Variants in NPAS3 observed in about 807,000 individuals in gnomAD.
The protein encoded by NPAS3 is neuronal PAS domain protein 3.
NPAS3 carries 14 observed loss-of-function variants against 73.1 expected under a neutral mutation model. The ratio of observed to expected loss-of-function variants is 0.19; its 90% CI spans 0.13 to 0.30. NPAS3 has a LOEUF of 0.30. Ranked by LOEUF, NPAS3 falls within the 10% of genes least tolerant of loss-of-function variation. The pLI is 1.00. For synonymous variants in NPAS3, 620 were observed against 541.5 expected, an observed-to-expected ratio of 1.14 and a Z score of -2.01; for missense variants, 1,096 against 1,250.0, an observed-to-expected ratio of 0.88 and a Z score of 1.86.
At chr14:33,632,366 T>C (rs1039988496) in intron 5 of NPAS3, among the ~76,000 whole-genome samples, 6 of 152,330 alleles carry the variant, frequency 3.9e-5, no homozygotes, top group Admixed American at 3.9e-4. Flanking sequence ...TTGATGCAGG[T>C]GGTCTTCAGA....
intron 2 of NPAS3, among the ~76,000 whole-genome samples, chr14:33,143,606 C>A (rs1015953968): frequency 8.5e-5 from 13 of 152,124 alleles, no homozygotes; most frequent in Non-Finnish European, 1.5e-4. Flanking sequence ...TTACAGTGAA[C>A]AATTTAGTGG....
intron 3 of NPAS3, among the ~76,000 whole-genome samples, chr14:33,355,277 CT>C (rs769140230): frequency 7.2e-5 from 11 of 152,152 alleles, no homozygotes; most frequent in Non-Finnish European, 1.5e-4. Flanking sequence ...TTAGATGCTC[CT>C]TTTCCTGCAG....
At position 33,778,643 on chromosome 14, in the gene NPAS3, T is replaced by C. The variant is rs540156655; in HGVS notation, c.1153+71T>C. The C allele has an allele frequency of 3.0e-6, 3 of 1,008,946 alleles. No individual in the cohort carries two copies. In the East Asian group the frequency reaches 7.2e-5, roughly 24 times the overall value. The allele number at this position is 1,008,946 out of a possible 1,614,324, so 62.5% of individuals were successfully genotyped here. ...ATCTCTGAGGCTTGTTTGGTTTCAG[T>C]GCTGATTTTTCCCTTCATCTTTCCT... On this transcript the variant is annotated intron_variant, in intron 9 of 11. Coordinates refer to ENST00000356141, the Ensembl canonical transcript of NPAS3.
intron 2 of NPAS3, among the ~76,000 whole-genome samples, chr14:33,059,727 T>A (rs1353200290): frequency 6.6e-6 from 1 of 152,182 alleles, no homozygotes; most frequent in Non-Finnish European, 1.5e-5. Flanking sequence ...TATAAAAATA[T>A]TTTCAAATAC....
chr14:33,604,923 G>T (rs1189637259), intron 5 of NPAS3, among the ~76,000 whole-genome samples: 2 of 151,970 alleles, frequency 1.3e-5, no homozygotes, highest in African/African-American at 4.8e-5. Flanking sequence ...AATGTAAAAC[G>T]TATCAGAATT....
intron 2 of NPAS3, among the ~76,000 whole-genome samples, chr14:33,187,768 AAATT>A (rs763621669): frequency 3.0e-4 from 45 of 152,266 alleles, no homozygotes; most frequent in Non-Finnish European, 4.3e-4. Flanking sequence ...AGAGATTATT[AAATT>A]AATATCTATT....
At chr14:33,013,120 G>A (rs563189755) in intron 1 of NPAS3, among the ~76,000 whole-genome samples, 7 of 152,240 alleles carry the variant, frequency 4.6e-5, no homozygotes, top group African/African-American at 1.7e-4. Context: ...GTCAGAAAAA[G>A]TATTGTATTC....
At chr14:33,346,559 G>A (rs1273893195) in intron 3 of NPAS3, among the ~76,000 whole-genome samples, 1 of 145,114 alleles carries the variant, frequency 6.9e-6, no homozygotes, top group African/African-American at 2.5e-5. Flanking sequence ...AGGAAATGTT[G>A]ATTTCAAATT....
chr14:33,547,030 T>G lies in NPAS3; in HGVS notation c.469-13091T>G, dbSNP rs568845308. Among the ~76,000 whole-genome samples, 14 of 152,330 alleles carry G rather than the reference T, an allele frequency of 9.2e-5. No individual in the cohort carries two copies. The South Asian group carries it at 2.9e-3, about 32-fold the overall frequency. Reference sequence around the variant, plus strand: ...CTAGTGGAGAGGAGCAGCAAATGTCTTAAGCAAGTATAGTTAACCTGTAAT... The same window carrying G: ...CTAGTGGAGAGGAGCAGCAAATGTCGTAAGCAAGTATAGTTAACCTGTAAT... On this transcript the variant is annotated intron_variant, in intron 4 of 11. Transcript: ENST00000356141.
At chr14:33,528,503 T>C (rs976765591) in intron 4 of NPAS3, among the ~76,000 whole-genome samples, 1 of 151,046 alleles carries the variant, frequency 6.6e-6, no homozygotes, top group Non-Finnish European at 1.5e-5. Context: ...GAGGAGGGAG[T>C]GGTCGTCCTA....
chr14:33,414,222 C>T (rs936001306), intron 4 of NPAS3, among the ~76,000 whole-genome samples: 2 of 152,114 alleles, frequency 1.3e-5, no homozygotes, highest in African/African-American at 4.8e-5. Context: ...TTCACTTCAA[C>T]CCAGTAGCAA....
intron 7 of NPAS3, among the ~76,000 whole-genome samples, chr14:33,753,033 T>C (rs1388892919): frequency 6.6e-6 from 1 of 152,192 alleles, no homozygotes; most frequent in East Asian, 1.9e-4. Flanking sequence ...AAATTCTGCC[T>C]GCCTCTCAAA....
chr14:32,963,862 TAG>T (rs1357165376), intron 1 of NPAS3, among the ~76,000 whole-genome samples: 1 of 152,058 alleles, frequency 6.6e-6, no homozygotes, highest in Non-Finnish European at 1.5e-5. Flanking sequence ...TCCTCAGTAT[TAG>T]GACTTTTATT....
At chr14:33,457,024 G>A (rs1290319267) in intron 4 of NPAS3, among the ~76,000 whole-genome samples, 2 of 152,152 alleles carry the variant, frequency 1.3e-5, no homozygotes, top group Non-Finnish European at 2.9e-5. Context: ...ACCATCAGGA[G>A]GCAATACGGT....
At chr14:33,723,380 T>C (rs1265443992) in intron 6 of NPAS3, among the ~76,000 whole-genome samples, 2 of 152,188 alleles carry the variant, frequency 1.3e-5, no homozygotes, top group Non-Finnish European at 2.9e-5. Context: ...TTGGAATTTA[T>C]ATGCAATATT....
At chr14:33,229,494 C>G (rs561095672) in intron 3 of NPAS3, among the ~76,000 whole-genome samples, 1 of 152,128 alleles carries the variant, frequency 6.6e-6, no homozygotes, top group Admixed American at 6.5e-5. Context: ...CCTTCCCGCC[C>G]GCTCACATGC....
chr14:33,258,717 C>T (rs1594530662), intron 3 of NPAS3, among the ~76,000 whole-genome samples: 1 of 152,160 alleles, frequency 6.6e-6, no homozygotes, highest in East Asian at 1.9e-4. Flanking sequence ...CATGGGTCAT[C>T]CTCGTATTTC....
At chr14:33,662,848 G>C (rs1595384981) in intron 5 of NPAS3, among the ~76,000 whole-genome samples, 1 of 150,156 alleles carries the variant, frequency 6.7e-6, no homozygotes, top group Non-Finnish European at 1.5e-5. Context: ...GGAGATTTGG[G>C]GCTGAGACAA....
At chr14:33,400,996 G>A (rs929419491) in intron 4 of NPAS3, among the ~76,000 whole-genome samples, 5 of 151,942 alleles carry the variant, frequency 3.3e-5, no homozygotes, top group South Asian at 2.1e-4. Context: ...AGGAGTAGCC[G>A]TGTTAGATTT....
Sources: gnomAD v4.1 joint callset for allele counts (sites outside exome capture counted in the v4.1 genomes callset) on GRCh38, gnomAD v4.1.1 for gene constraint, MANE v1.5 for transcripts, NCBI Gene and HGNC (gene_info 2026-07-23, HGNC 2026-07-21) for gene names.